Variants in ASB4 observed in about 807,000 individuals in gnomAD.
The protein encoded by ASB4 is ankyrin repeat and SOCS box containing 4.
Under a neutral mutation model 38.6 loss-of-function variants are expected in ASB4, and 35 were observed. That is an observed-to-expected ratio of 0.91 (90% CI 0.69 to 1.20). The LOEUF is 1.20. Among genes scored for constraint, ASB4 ranks in the 50% most tolerant of loss-of-function variants. ASB4 has a pLI of 0.00. For missense variants in ASB4, 557 were observed against 527.2 expected, an observed-to-expected ratio of 1.06 and a Z score of -0.55; for synonymous variants, 195 against 201.3, an observed-to-expected ratio of 0.97 and a Z score of 0.26.
chr7:95,488,916 A>G (rs1180006711), intron 1 of ASB4, among the ~76,000 whole-genome samples: 1 of 152,146 alleles, frequency 6.6e-6, no homozygotes, highest in Non-Finnish European at 1.5e-5. Context: ...AACGAATCTC[A>G]TGCTACTCTT....
intron 2 of ASB4, among the ~76,000 whole-genome samples, chr7:95,501,061 A>G (rs1472718774): frequency 1.3e-5 from 2 of 152,170 alleles, no homozygotes; most frequent in Non-Finnish European, 2.9e-5. Context: ...TAAACATGCA[A>G]GCTTTTTATT....
At chr7:95,471,880 T>TTTTTTTTTTTTTG in the ASB4 span, 4 of 150,820 alleles carry the variant, frequency 2.7e-5, no homozygotes, top group Non-Finnish European at 4.4e-5. Flanking sequence ...CTGCTTTTTT[T>TTTTTTTTTTTTTG]AACAGATGAA....
intron 2 of ASB4, among the ~76,000 whole-genome samples, chr7:95,500,093 G>C (rs1790313216): frequency 6.6e-6 from 1 of 152,058 alleles, no homozygotes; most frequent in Non-Finnish European, 1.5e-5. Context: ...GTGCTACGAT[G>C]AGGGAGTTCG....
upstream of ASB4, among the ~76,000 whole-genome samples, chr7:95,475,147 T>G (rs1585788227): frequency 6.6e-6 from 1 of 152,140 alleles, no homozygotes; most frequent in East Asian, 1.9e-4. Flanking sequence ...CAGTCTGTGT[T>G]GTAACAAGCC....
At chr7:95,477,201 T>A (rs1789985339), upstream of ASB4, among the ~76,000 whole-genome samples, 1 of 152,118 alleles carries the variant, frequency 6.6e-6, no homozygotes, top group Non-Finnish European at 1.5e-5. Flanking sequence ...ACACAGTCCC[T>A]AAAAGACAAC....
upstream of ASB4, among the ~76,000 whole-genome samples, chr7:95,477,478 A>G (rs1451901355): frequency 1.3e-5 from 2 of 152,218 alleles, no homozygotes; most frequent in African/African-American, 4.8e-5. Flanking sequence ...AAAGAGTGGA[A>G]TGCTTTGCTT....
At chr7:95,480,458 A>G (rs1457597293) in intron 1 of ASB4, among the ~76,000 whole-genome samples, 1 of 152,212 alleles carries the variant, frequency 6.6e-6, no homozygotes. Flanking sequence ...CAGTGTGACC[A>G]TAGGATATGA....
chr7:95,549,301 A>T, the ASB4 span, among the ~76,000 whole-genome samples: 79 of 114,828 alleles, frequency 6.9e-4, no homozygotes, highest in African/African-American at 9.3e-4. Flanking sequence ...AGGAGACTCC[A>T]TTTTTTTTTT....
At chr7:95,519,298 G>A (rs1790627694) in intron 2 of ASB4, among the ~76,000 whole-genome samples, 1 of 152,096 alleles carries the variant, frequency 6.6e-6, no homozygotes, top group South Asian at 2.1e-4. Flanking sequence ...AATAATTCCA[G>A]AACATGCAGA....
upstream of ASB4, among the ~76,000 whole-genome samples, chr7:95,480,972 C>A (rs960397766): frequency 1.7e-4 from 26 of 152,148 alleles, no homozygotes; most frequent in Non-Finnish European, 2.6e-4. Context: ...CTGAAAAAAA[C>A]CATATAAAAA....
At chr7:95,500,287 T>C (rs1158900893) in intron 2 of ASB4, among the ~76,000 whole-genome samples, 1 of 152,050 alleles carries the variant, frequency 6.6e-6, no homozygotes, top group Non-Finnish European at 1.5e-5. Flanking sequence ...GCCATGTGGC[T>C]AGGAGCCGTG....
At chr7:95,546,775 G>A in the ASB4 span, among the ~76,000 whole-genome samples, 1 of 152,174 alleles carries the variant, frequency 6.6e-6, no homozygotes, top group African/African-American at 2.4e-5. Flanking sequence ...GAGTTAGAAG[G>A]CAGGGCTGCC....
At chr7:95,517,405 C>T (rs1424572888) in intron 2 of ASB4, among the ~76,000 whole-genome samples, 1 of 151,934 alleles carries the variant, frequency 6.6e-6, no homozygotes, top group Non-Finnish European at 1.5e-5. Flanking sequence ...AATTTGGGGA[C>T]CTGTCTGTTC....
chr7:95,484,124 C>CACA (rs1373467751), upstream of ASB4, among the ~76,000 whole-genome samples: 23 of 148,696 alleles, frequency 1.5e-4, no homozygotes, highest in African/African-American at 5.7e-4. Context: ...ACTTAGGAGT[C>CACA]GGAGATCAGC....
Position 95,526,354 on chromosome 7 carries a change from T to TC in ASB4, c.488-1453dup, listed in dbSNP as rs1319773002. Among the ~76,000 whole-genome samples the TC allele has an allele frequency of 2.0e-5, 3 of 151,952 alleles. No homozygotes were observed. In the East Asian group the frequency reaches 5.8e-4, roughly 29 times the overall value. The stretch of plus-strand genomic sequence containing the variant: ...CAATGACCTCCTTCAGCACAGCAGC[T>TC]CCCCCCAGCACAACTCTATAAAACT... On this transcript the variant is annotated intron_variant, in intron 2 of 4. Coordinates refer to ENST00000325885, the MANE Select transcript of ASB4 (RefSeq NM_016116.3).
At chr7:95,476,668 G>A (rs1470507101), upstream of ASB4, among the ~76,000 whole-genome samples, 1 of 152,172 alleles carries the variant, frequency 6.6e-6, no homozygotes, top group East Asian at 1.9e-4. Context: ...AAGGACTCAG[G>A]AAATCACACT....
chr7:95,503,255 A>C (rs2116603784), intron 2 of ASB4, among the ~76,000 whole-genome samples: 1 of 152,344 alleles, frequency 6.6e-6, no homozygotes, highest in East Asian at 1.9e-4. Context: ...CCTGTGAATC[A>C]GATCACTGGG....
the ASB4 span, among the ~76,000 whole-genome samples, chr7:95,549,945 G>A: frequency 6.6e-6 from 1 of 152,166 alleles, no homozygotes; most frequent in Admixed American, 6.5e-5. Context: ...GTGTTAATCT[G>A]TGTTATCTTA....
Position 95,537,604 on chromosome 7 carries a change from G to A in ASB4, c.1126G>A (p.Val376Met). ...YWDFYHSLFT[V>M]CCNSPRTLMH... Reference sequence around the variant, plus strand: ...GGATTTTTACCACTCTCTCTTTACTGTGTGCTGTAACTCTCCAAGGACTCT... The same window carrying A: ...GGATTTTTACCACTCTCTCTTTACTATGTGCTGTAACTCTCCAAGGACTCT... Residue 376 changes from valine (V) to methionine (M), a missense_variant, in exon 5 of 5, where the codon GTG becomes ATG. By Grantham distance (21) the Val-to-Met change is conservative (BLOSUM62 1). Transcript: ENST00000325885. 6.2e-7 allele frequency: 1 copy of A among 1,610,102 alleles called. No homozygotes were observed. Among genetic ancestry groups the A allele is most frequent in the Admixed American group, 1.7e-5 (1 of 59,512 alleles).
Sources: gnomAD v4.1 joint callset for allele counts (sites outside exome capture counted in the v4.1 genomes callset) on GRCh38, gnomAD v4.1.1 for gene constraint, MANE v1.5 for transcripts, NCBI Gene and HGNC (gene_info 2026-07-23, HGNC 2026-07-21) for gene names.